Variants in RAE1 observed in about 807,000 individuals in gnomAD.
The protein encoded by RAE1 is mRNA export factor RAE1.
In RAE1, 13 loss-of-function variants were observed where a neutral mutation model predicts 52.7. That is an observed-to-expected ratio of 0.25 (90% confidence interval 0.16 to 0.39). The LOEUF is 0.39. RAE1 is among the 10% of genes least tolerant of loss of function. The probability of loss-of-function intolerance (pLI) is 1.00; values close to 1 mark genes in which losing one functional copy is unlikely to be tolerated. For missense variants in RAE1, 262 were observed against 459.8 expected (o/e 0.57, Z 3.93); for synonymous variants, 164 against 153.1 (o/e 1.07, Z -0.52).
intron 8 of RAE1, chr20:57,372,622 G>A (rs1334363543): frequency 6.6e-6 from 1 of 152,228 alleles, no homozygotes; most frequent in Non-Finnish European, 1.5e-5. Flanking sequence ...AGGCAGGGGA[G>A]CAAACAGTAC....
intron 4 of RAE1, chr20:57,359,202 CT>C: frequency 2.4e-6 from 1 of 422,782 alleles, no homozygotes. Context: ...TGCTGAGTTC[CT>C]TTTATTTTTT....
At chr20:57,376,482 G>A (rs1272215108) in intron 11 of RAE1, among the ~76,000 whole-genome samples, 1 of 152,154 alleles carries the variant, frequency 6.6e-6, no homozygotes, top group Non-Finnish European at 1.5e-5. Flanking sequence ...GGAGCCCTAC[G>A]CTACATTTTC....
chr20:57,373,771 C>G (rs749629824), intron 10 of RAE1, 33 bp downstream of exon 10: 3 of 1,587,352 alleles, frequency 1.9e-6, no homozygotes, highest in East Asian at 4.5e-5. Flanking sequence ...CGTGGTAATA[C>G]ATCTGGAAAC....
intron 11 of RAE1, among the ~76,000 whole-genome samples, chr20:57,376,051 G>A (rs1038678352): frequency 9.9e-5 from 15 of 152,152 alleles, no homozygotes; most frequent in African/African-American, 3.6e-4. Context: ...CCCTTGGTTC[G>A]GGCCCTGCCC....
At chr20:57,353,380 C>T (rs2066739109) in intron 1 of RAE1, among the ~76,000 whole-genome samples, 1 of 152,148 alleles carries the variant, frequency 6.6e-6, no homozygotes, top group South Asian at 2.1e-4. Context: ...GGCAAGAGGC[C>T]CTGACCAAAC....
intron 4 of RAE1, among the ~76,000 whole-genome samples, chr20:57,361,280 T>C (rs760792877): frequency 2.0e-5 from 3 of 152,172 alleles, no homozygotes; most frequent in Non-Finnish European, 4.4e-5. Context: ...CATATCAGTA[T>C]TAGGGCAGAA....
At chr20:57,374,204 C>T (rs2067078180) in intron 10 of RAE1, among the ~76,000 whole-genome samples, 1 of 152,202 alleles carries the variant, frequency 6.6e-6, no homozygotes, top group South Asian at 2.1e-4. Flanking sequence ...AACGTGCCGC[C>T]TAACTAGCAG....
At chr20:57,373,288 C>T in intron 8 of RAE1, 187 bp from the exon 9 acceptor site, 1 of 614,042 alleles carries the variant, frequency 1.6e-6, no homozygotes, top group Non-Finnish European at 2.8e-6. Flanking sequence ...GCAGTTGGGT[C>T]ATAAACTCAC....
rs2067066915 is a variant in RAE1, at chr20:57,373,530, TG to T, written c.701del (p.Gly234GlufsTer43). 6.2e-7 allele frequency: 1 copy of T among 1,614,090 alleles called. No individual in the cohort carries two copies. Among genetic ancestry groups the T allele is most frequent in the Non-Finnish European group, 8.5e-7 (1 of 1,180,022 alleles). The part of the protein sequence containing the change: ...DKQNKPTGFA[L>X]GSIEGRVAIH... ...CAGAACAAGCCTACTGGTTTTGCCC[TG>T]GGAAGTATCGAGGGGAGAGTTGCTA... On this transcript the variant is annotated frameshift_variant, in exon 9 of 12. Coordinates refer to ENST00000395841, the MANE Select transcript of RAE1 (RefSeq NM_003610.4). LOFTEE classifies it high-confidence loss of function.
At chr20:57,359,019 G>A in intron 4 of RAE1, 1 of 1,522,094 alleles carries the variant, frequency 6.6e-7, no homozygotes. Context: ...GTAAGAGACA[G>A]CTGAACCTTC....
At position 57,378,045 on chromosome 20, in the gene RAE1, T is replaced by C. The variant is rs768251302; in HGVS notation, c.1053T>C (p.Asn351=). Residue 351 remains asparagine, a synonymous_variant, in exon 12 of 12, where the codon AAT becomes AAC. Coordinates refer to ENST00000395841, the MANE Select transcript of RAE1 (RefSeq NM_003610.4). Reference sequence around the variant, plus strand: ...AATTTTATAATCCCCAGAAAAAAAATTACATTTTCCTGCGTAATGCAGCCG... The same window carrying C: ...AATTTTATAATCCCCAGAAAAAAAACTACATTTTCCTGCGTAATGCAGCCG... The part of the protein sequence containing the change: ...GHEFYNPQKK[N]YIFLRNAAEE... 6.2e-7 allele frequency: 1 copy of C among 1,612,564 alleles called. No individual in the cohort carries two copies. Among genetic ancestry groups the C allele is most frequent in the Non-Finnish European group, 8.5e-7 (1 of 1,178,728 alleles).
At position 57,367,138 on chromosome 20, in the gene RAE1, C is replaced by A; in HGVS notation, c.534+59C>A. 3 of 1,392,440 alleles carry A rather than the reference C, an allele frequency of 2.2e-6. No homozygotes were observed. In the South Asian group the frequency reaches 4.0e-5, roughly 19 times the overall value. 86.3% of individuals were successfully genotyped at this position (1,392,440 alleles called of 1,614,324 possible). A position where few individuals can be genotyped will look rare whatever the true frequency, so the allele number is the denominator to read the frequency against. On this transcript the variant is annotated intron_variant, in intron 7 of 11. Coordinates refer to ENST00000395841, the MANE Select transcript of RAE1 (RefSeq NM_003610.4). ...AAAAAAAAAACAAAATAAGTATTCTCACCTTGTGGCGTCCTGCAGTTAGTG... is the reference window on the plus strand; with the variant it reads ...AAAAAAAAAACAAAATAAGTATTCTAACCTTGTGGCGTCCTGCAGTTAGTG...
At position 57,365,436 on chromosome 20, in the gene RAE1, C is replaced by A. The variant is rs772373086; in HGVS notation, c.369C>A (p.Ile123=). ...WDLSSNQAIQ[I]AQHDAPVKTI... is the part of the protein sequence containing the mutation. ...TCAGCAGTAACCAAGCGATACAGAT[C>A]GCACAGGTAACAGAAGCCTCTGCAG... Residue 123 remains isoleucine, a synonymous_variant, in exon 5 of 12, where the codon ATC becomes ATA. Transcript: ENST00000395841. 1.2e-6 allele frequency: 2 copies of A among 1,601,486 alleles called. No individual in the cohort carries two copies. Among genetic ancestry groups the A allele is most frequent in the African/African-American group, 2.7e-5 (2 of 74,650 alleles).
chr20:57,367,468 C>A (rs1261140398), intron 7 of RAE1, among the ~76,000 whole-genome samples: 1 of 151,928 alleles, frequency 6.6e-6, no homozygotes, highest in Non-Finnish European at 1.5e-5. Flanking sequence ...CTCGGCCAGG[C>A]ATGGTAGCTC....
At chr20:57,371,355 T>A (rs1397416822) in intron 8 of RAE1, 2 of 152,178 alleles carry the variant, frequency 1.3e-5, no homozygotes, top group Non-Finnish European at 2.9e-5. Flanking sequence ...AAGGAACCCC[T>A]GCAACTCAAT....
chr20:57,367,460 C>T (rs532400843), intron 7 of RAE1, among the ~76,000 whole-genome samples: 13 of 151,946 alleles, frequency 8.6e-5, no homozygotes, highest in Non-Finnish European at 1.6e-4. Context: ...TGAACTTTCT[C>T]GGCCAGGCAT....
Position 57,355,433 on chromosome 20 carries a change from G to A in RAE1, c.195+617G>A, listed in dbSNP as rs568812434. On this transcript the variant is annotated intron_variant, in intron 3 of 11. Coordinates refer to ENST00000395841, the MANE Select transcript of RAE1 (RefSeq NM_003610.4). ...AAAGTTTAAAAGAATAATAGTGCCA[G>A]CAAGGATAAGCTGAAACCCTGCATG... Among the ~76,000 whole-genome samples the A allele has an allele frequency of 5.3e-4, 81 of 152,256 alleles. 1 individual carries two copies. Among genetic ancestry groups the A allele is most frequent in the African/African-American group, 1.8e-3 (73 of 41,532 alleles).
At chr20:57,353,529 G>T (rs1162680072) in intron 1 of RAE1, among the ~76,000 whole-genome samples, 1 of 152,262 alleles carries the variant, frequency 6.6e-6, no homozygotes, top group Non-Finnish European at 1.5e-5. Flanking sequence ...TCCCGGACTG[G>T]TTGTTCTAGG....
intron 4 of RAE1, among the ~76,000 whole-genome samples, chr20:57,364,761 C>G (rs967192517): frequency 1.3e-5 from 2 of 152,198 alleles, no homozygotes; most frequent in Non-Finnish European, 2.9e-5. Context: ...AACCATCACA[C>G]AGTGACCACT....
Sources: gnomAD v4.1 joint callset for allele counts (sites outside exome capture counted in the v4.1 genomes callset) on GRCh38, gnomAD v4.1.1 for gene constraint, MANE v1.5 for transcripts, NCBI Gene and HGNC (gene_info 2026-07-23, HGNC 2026-07-21) for gene names.